Variants in SLC24A2 observed in about 807,000 individuals in gnomAD.
SLC24A2 encodes the protein solute carrier family 24 member 2, also known as sodium/potassium/calcium exchanger 2.
In SLC24A2, 36 loss-of-function variants were observed where a neutral mutation model predicts 62.0. The ratio of observed to expected loss-of-function variants is 0.58; its 90% confidence interval spans 0.44 to 0.77. The LOEUF is 0.77. Ranked by LOEUF, SLC24A2 falls within the 30% of genes least tolerant of loss-of-function variation. The pLI, the probability that SLC24A2 is intolerant of heterozygous loss-of-function variation, is 0.00. For missense variants in SLC24A2, 846 were observed against 817.9 expected, an observed-to-expected ratio of 1.03 and a Z score of -0.42; for synonymous variants, 358 against 294.0, an observed-to-expected ratio of 1.22 and a Z score of -2.23.
At chr9:19,797,918 T>G in the SLC24A2 span, among the ~76,000 whole-genome samples, 3 of 152,200 alleles carry the variant, frequency 2.0e-5, no homozygotes, top group African/African-American at 7.2e-5. Flanking sequence ...TTCAGCCCCT[T>G]CTTGTGCCTC....
the SLC24A2 span, among the ~76,000 whole-genome samples, chr9:20,164,364 G>A: frequency 1.3e-4 from 20 of 151,884 alleles, no homozygotes; most frequent in South Asian, 4.2e-4. Context: ...TTTATGCAGC[G>A]AAAAAAACAC....
the SLC24A2 span, among the ~76,000 whole-genome samples, chr9:20,091,821 G>T: frequency 1.3e-5 from 2 of 152,060 alleles, no homozygotes; most frequent in Admixed American, 1.3e-4. Context: ...ACAATAACCA[G>T]CAAAGACATG....
chr9:19,897,325 G>T, the SLC24A2 span, among the ~76,000 whole-genome samples: 1 of 151,786 alleles, frequency 6.6e-6, no homozygotes, highest in Non-Finnish European at 1.5e-5. Context: ...TTATAAATGT[G>T]AAAAATAAAA....
the SLC24A2 span, among the ~76,000 whole-genome samples, chr9:19,830,127 T>G: frequency 2.3e-4 from 35 of 152,172 alleles, no homozygotes; most frequent in African/African-American, 6.5e-4. Context: ...CCAAGTTATC[T>G]CTCCAGGGCT....
the SLC24A2 span, among the ~76,000 whole-genome samples, chr9:20,262,217 G>T: frequency 6.6e-6 from 1 of 152,146 alleles, no homozygotes; most frequent in African/African-American, 2.4e-5. Context: ...AAATAAAACT[G>T]ACATCCCCAA....
At chr9:20,057,077 A>C in the SLC24A2 span, among the ~76,000 whole-genome samples, 1 of 152,164 alleles carries the variant, frequency 6.6e-6, no homozygotes. Context: ...TGTTCACTTG[A>C]TTGAACCCCA....
At chr9:19,676,233 C>T (rs1201719689) in intron 2 of SLC24A2, among the ~76,000 whole-genome samples, 1 of 152,162 alleles carries the variant, frequency 6.6e-6, no homozygotes, top group Non-Finnish European at 1.5e-5. Context: ...GGCTGTCTAC[C>T]GGGGCCTGCA....
chr9:20,130,036 G>T, the SLC24A2 span, among the ~76,000 whole-genome samples: 1 of 151,730 alleles, frequency 6.6e-6, no homozygotes, highest in South Asian at 2.1e-4. Flanking sequence ...CTGCTATTTA[G>T]AGAGTCTTTC....
the SLC24A2 span, among the ~76,000 whole-genome samples, chr9:20,189,589 T>G: frequency 6.6e-6 from 1 of 152,226 alleles, no homozygotes; most frequent in Non-Finnish European, 1.5e-5. Flanking sequence ...AAGGACCATT[T>G]GAGCTATCCC....
chr9:19,527,768 C>T (rs1411355974), intron 9 of SLC24A2, among the ~76,000 whole-genome samples: 1 of 152,104 alleles, frequency 6.6e-6, no homozygotes, highest in Non-Finnish European at 1.5e-5. Context: ...GCTCTCAGGT[C>T]TGGGTTGTCC....
At chr9:20,306,520 T>C in the SLC24A2 span, among the ~76,000 whole-genome samples, 2 of 152,202 alleles carry the variant, frequency 1.3e-5, no homozygotes, top group Admixed American at 6.5e-5. Flanking sequence ...CATTCTTGCC[T>C]GGGGCTACTA....
the SLC24A2 span, among the ~76,000 whole-genome samples, chr9:19,798,414 A>G: frequency 5.3e-5 from 8 of 152,260 alleles, no homozygotes; most frequent in East Asian, 1.9e-4. Flanking sequence ...TGCATAATCC[A>G]TCTGCTTCTT....
At chr9:20,159,370 G>C in the SLC24A2 span, among the ~76,000 whole-genome samples, 2 of 151,346 alleles carry the variant, frequency 1.3e-5, no homozygotes. Context: ...ATGGTCTTTT[G>C]AAAGACTACA....
chr9:20,039,697 G>A, the SLC24A2 span, among the ~76,000 whole-genome samples: 7 of 152,042 alleles, frequency 4.6e-5, no homozygotes, highest in African/African-American at 1.7e-4. Context: ...TGGGCACAGG[G>A]GAAGAAAATG....
At chr9:19,564,557 A>T (rs74808089) in intron 7 of SLC24A2, among the ~76,000 whole-genome samples, 4 of 14,224 alleles carry the variant, frequency 2.8e-4, no homozygotes, top group Admixed American at 1.6e-3. Flanking sequence ...TCTGTCTATC[A>T]ATCAATCACA....
chr9:20,272,514 C>A, the SLC24A2 span, among the ~76,000 whole-genome samples: 1 of 152,142 alleles, frequency 6.6e-6, no homozygotes, highest in South Asian at 2.1e-4. Flanking sequence ...TTAAACAAGA[C>A]CCTATGCTTC....
intron 6 of SLC24A2, among the ~76,000 whole-genome samples, chr9:19,573,881 C>T (rs538537400): frequency 1.1e-4 from 17 of 152,164 alleles, no homozygotes; most frequent in East Asian, 1.9e-4. Context: ...CAAAACCACA[C>T]GCAATCTACA....
At chr9:20,242,406 A>G in the SLC24A2 span, among the ~76,000 whole-genome samples, 1 of 152,224 alleles carries the variant, frequency 6.6e-6, no homozygotes, top group Non-Finnish European at 1.5e-5. Flanking sequence ...AATGCTTCCT[A>G]TCAATCAACT....
the SLC24A2 span, among the ~76,000 whole-genome samples, chr9:20,289,197 C>G: frequency 6.6e-6 from 1 of 152,202 alleles, no homozygotes; most frequent in Non-Finnish European, 1.5e-5. Context: ...GCCATAGTAA[C>G]TGAAACAGCA....
Sources: gnomAD v4.1 joint callset for allele counts (sites outside exome capture counted in the v4.1 genomes callset) on GRCh38, gnomAD v4.1.1 for gene constraint, MANE v1.5 for transcripts, NCBI Gene and HGNC (gene_info 2026-07-23, HGNC 2026-07-21) for gene names.